Variants in POC1B observed in about 807,000 individuals in gnomAD.
POC1B encodes the protein POC1 centriolar protein homolog B.
A neutral mutation model predicts 60.6 loss-of-function variants in POC1B; 44 were observed. The observed-to-expected ratio is 0.73, with a 90% CI of 0.57 to 0.93. The LOEUF (loss-of-function observed/expected upper bound fraction) is 0.93. Ranked by LOEUF, POC1B falls within the 40% of genes least tolerant of loss-of-function variation. The pLI is 0.00. For synonymous variants in POC1B, 180 were observed against 198.9 expected (o/e 0.90, Z 0.80); for missense variants, 555 against 572.3 (o/e 0.97, Z 0.31).
In POC1B at chr12:89,425,483, T is replaced by C. The variant is rs901521830; in HGVS notation, c.1114-104A>G. 22 of 800,912 alleles carry C rather than the reference T, an allele frequency of 2.7e-5. No individual in the cohort carries two copies. In the African/African-American group the frequency reaches 3.1e-4, roughly 11 times the overall value. 49.6% of individuals were successfully genotyped at this position (800,912 alleles called of 1,614,324 possible). Reference sequence around the variant, plus strand: ...CTCTTCTAAAAAGCCCAGGCTTACATTGAAGATTTATCCCCAACTATAATA... The same window carrying C: ...CTCTTCTAAAAAGCCCAGGCTTACACTGAAGATTTATCCCCAACTATAATA... On this transcript the variant is annotated intron_variant, in intron 10 of 11. Transcript: ENST00000313546.
At chr12:89,432,959 A>C (rs1193426239) in intron 10 of POC1B, among the ~76,000 whole-genome samples, 1 of 152,156 alleles carries the variant, frequency 6.6e-6, no homozygotes, top group Admixed American at 6.5e-5. Flanking sequence ...GTGGCCCTTG[A>C]GGTTGAAGAC....
At chr12:89,510,405 A>G (rs1450209548) in intron 2 of POC1B, among the ~76,000 whole-genome samples, 2 of 152,196 alleles carry the variant, frequency 1.3e-5, no homozygotes, top group African/African-American at 4.8e-5. Context: ...CTGCATGGTC[A>G]TTAGTATCAT....
chr12:89,421,972 A>C (rs1294570402), intron 11 of POC1B, among the ~76,000 whole-genome samples: 1 of 152,166 alleles, frequency 6.6e-6, no homozygotes, highest in Non-Finnish European at 1.5e-5. Flanking sequence ...CATATGTTTT[A>C]TATATATGTT....
At chr12:89,495,830 C>T (rs930751935) in intron 3 of POC1B, among the ~76,000 whole-genome samples, 2 of 152,116 alleles carry the variant, frequency 1.3e-5, no homozygotes. Flanking sequence ...GGCATGATCT[C>T]GGCTCACTGC....
At chr12:89,470,633 G>A (rs1472814916) in intron 6 of POC1B, 139 bp from the exon 7 acceptor site, 3 of 558,260 alleles carry the variant, frequency 5.4e-6, no homozygotes, top group African/African-American at 1.9e-5. Flanking sequence ...TCACTAAAAC[G>A]AGTATTTTGG....
At chr12:89,513,362 G>T (rs762400194) in intron 2 of POC1B, among the ~76,000 whole-genome samples, 8 of 151,552 alleles carry the variant, frequency 5.3e-5, no homozygotes, top group Non-Finnish European at 1.2e-4. Flanking sequence ...AAAAAGGAAA[G>T]ATTAACTTGT....
At chr12:89,447,430 G>C (rs1169223819) in intron 10 of POC1B, among the ~76,000 whole-genome samples, 1 of 152,064 alleles carries the variant, frequency 6.6e-6, no homozygotes, top group Non-Finnish European at 1.5e-5. Flanking sequence ...TAATTTTACT[G>C]TGTACGGAAC....
chr12:89,471,752 C>A, intron 5 of POC1B, 23 bp from the exon 6 acceptor site: 1 of 1,249,708 alleles, frequency 8.0e-7, no homozygotes, highest in Non-Finnish European at 1.1e-6. Flanking sequence ...AATAAGATGA[C>A]CTAATATTTC....
At position 89,466,823 on chromosome 12, in the gene POC1B, CAAG is replaced by C. The variant is rs764419366; in HGVS notation, c.976_978del (p.Leu326del). ...GGATGTGGTGTTCTTGGGTAGATAT[CAAG>C]AAGATGTGGTGGTGAATCAAAATGT... On this transcript the variant is annotated inframe_deletion, in exon 9 of 12. Coordinates refer to ENST00000313546, the MANE Select transcript of POC1B (RefSeq NM_172240.3). 13 of 1,613,126 alleles carry C rather than the reference CAAG, an allele frequency of 8.1e-6. No individual in the cohort carries two copies. The East Asian group carries it at 2.5e-4, about 30-fold the overall frequency.
At chr12:89,407,008 C>T in the POC1B span, among the ~76,000 whole-genome samples, 533 of 151,248 alleles carry the variant, frequency 3.5e-3, 4 homozygotes, top group African/African-American at 0.013. Context: ...ATTAGCCGGG[C>T]GTGATGGAGG....
At chr12:89,467,488 C>G (rs9308287) in intron 8 of POC1B, 129 bp downstream of exon 8, 511,772 of 707,770 alleles carry the variant, frequency 0.72, 186,225 homozygotes, top group Middle Eastern at 0.83. Context: ...CTTCATGGTA[C>G]TAATTAAAAT....
rs368894481 is a variant in POC1B at position 89,470,577 on chromosome 12, T to C, written c.677-83A>G. The C allele has an allele frequency of 2.4e-5, 29 of 1,194,552 alleles. No homozygotes were observed. The African/African-American group carries it at 2.6e-4, about 11-fold the overall frequency. The allele number at this position is 1,194,552 out of a possible 1,614,324, so 74.0% of individuals were successfully genotyped here. A position where few individuals can be genotyped will look rare whatever the true frequency, so the allele number is the denominator to read the frequency against. On this transcript the variant is annotated intron_variant, in intron 6 of 11. Coordinates refer to ENST00000313546, the MANE Select transcript of POC1B (RefSeq NM_172240.3). Reference sequence around the variant, plus strand: ...ACCCCAGTGCCTTATTAGCAATAGGTTGTAAACAAGAGCACTGTTTCCACA... The same window carrying C: ...ACCCCAGTGCCTTATTAGCAATAGGCTGTAAACAAGAGCACTGTTTCCACA...
Position 89,425,252 on chromosome 12 carries a change from C to A in POC1B, c.1241G>T (p.Ser414Ile), listed in dbSNP as rs1321325953. ...TTTKKKTEDMSDLPCESQRSI... is the reference protein window; with the variant it reads ...TTTKKKTEDMIDLPCESQRSI... The stretch of plus-strand genomic sequence containing the variant: ...CCTTTGACTTTCACAGGGGAGGTCA[C>A]TCATGTCTTCTGTTTTCTTTTTCGT... Residue 414 changes from serine to isoleucine, a missense_variant, in exon 11 of 12, where the codon AGT (serine) becomes ATT (isoleucine). Ser to Ile is a moderately radical substitution (Grantham distance 142, BLOSUM62 -2). Coordinates refer to ENST00000313546, the MANE Select transcript of POC1B (RefSeq NM_172240.3). 3 of 1,613,988 alleles carry A rather than the reference C, an allele frequency of 1.9e-6. No homozygotes were observed. The highest frequency in any genetic ancestry group is 2.5e-6 in the Non-Finnish European group (3 of 1,180,024).
intron 9 of POC1B, among the ~76,000 whole-genome samples, chr12:89,463,061 G>C (rs893533073): frequency 1.3e-5 from 2 of 152,174 alleles, no homozygotes; most frequent in Non-Finnish European, 2.9e-5. Flanking sequence ...AACTTAAATT[G>C]ATCACTTGTA....
the POC1B span, among the ~76,000 whole-genome samples, chr12:89,403,040 C>T: frequency 1.3e-5 from 2 of 150,378 alleles, no homozygotes; most frequent in Non-Finnish European, 3.0e-5. Flanking sequence ...TGGAGTCTTA[C>T]TCTGTCACCC....
intron 2 of POC1B, among the ~76,000 whole-genome samples, chr12:89,508,592 C>T (rs914640853): frequency 6.6e-6 from 1 of 152,154 alleles, no homozygotes; most frequent in African/African-American, 2.4e-5. Context: ...TGTAAAGTTA[C>T]TATTTTTCCC....
At position 89,422,649 on chromosome 12, in the gene POC1B, T is replaced by G. The variant is rs58194212; in HGVS notation, c.1333-1392A>C. 5.4e-3 allele frequency among the ~76,000 whole-genome samples: 818 copies of G among 152,352 alleles called. 14 individuals are homozygous for G. Among genetic ancestry groups the G allele is most frequent in the African/African-American group, 0.019 (773 of 41,570 alleles). ...ATGTCATAGTGACTCAATGTCTATA[T>G]CTATTAATTCCTGGAGTTTGCAAAT... On this transcript the variant is annotated intron_variant, in intron 11 of 11. Coordinates refer to ENST00000313546, the MANE Select transcript of POC1B (RefSeq NM_172240.3).
chr12:89,499,866 A>C (rs1427842656), intron 2 of POC1B, among the ~76,000 whole-genome samples: 1 of 152,276 alleles, frequency 6.6e-6, no homozygotes, highest in Admixed American at 6.5e-5. Context: ...ACACTGCTTT[A>C]AAAAGACATT....
the POC1B span, among the ~76,000 whole-genome samples, chr12:89,402,346 C>A: frequency 3.6e-4 from 54 of 149,510 alleles, no homozygotes; most frequent in African/African-American, 1.3e-3. Flanking sequence ...AATACACACA[C>A]ACACACACAC....
Sources: allele counts gnomAD v4.1 joint callset (sites outside exome capture counted in the v4.1 genomes callset), GRCh38; gene constraint gnomAD v4.1.1; transcripts MANE v1.5; gene names NCBI Gene and HGNC (gene_info 2026-07-23, HGNC 2026-07-21).